Variants in ADCY4 observed in about 807,000 individuals in gnomAD.
The protein encoded by ADCY4 is adenylate cyclase 4.
A neutral mutation model predicts 125.5 loss-of-function variants in ADCY4; 111 were observed. That is an observed-to-expected ratio of 0.88 (90% CI 0.76 to 1.04). The LOEUF is 1.04. Among genes scored for constraint, ADCY4 ranks in the 50% least tolerant of loss-of-function variants. ADCY4 has a pLI of 0.00. For missense variants in ADCY4, 1,256 were observed against 1,382.9 expected (o/e 0.91, Z 1.46); for synonymous variants, 576 against 586.9 (o/e 0.98, Z 0.27).
In ADCY4 at chr14:24,318,480, A is replaced by G; in HGVS notation, c.3170T>C (p.Leu1057Pro). 4 of 1,614,194 alleles carry G rather than the reference A, an allele frequency of 2.5e-6. No individual in the cohort carries two copies. The highest frequency in any genetic ancestry group is 2.5e-6 in the Non-Finnish European group (3 of 1,180,032). The stretch of plus-strand genomic sequence containing the variant: ...GTCTGTGTTCAGGAAGTAGGTGCAG[A>G]GCTGCCCTTTGCCTTTCACCTTGAT... Reference protein sequence around the residue: ...GVIKVKGKGQLCTYFLNTDLT... With the variant: ...GVIKVKGKGQPCTYFLNTDLT... The change falls in exon 25 of 25, where the codon CTC becomes CCC. Residue 1057 changes from leucine (L) to proline (P), a missense_variant. Coordinates refer to ENST00000418030, the MANE Select transcript of ADCY4 (RefSeq NM_001198568.2).
chr14:24,321,776 G>A, intron 20 of ADCY4: 1 of 1,119,474 alleles, frequency 8.9e-7, no homozygotes, highest in South Asian at 3.8e-5. Context: ...GCGGCCTGGG[G>A]GCTGGGGACC....
rs1566439387 is a variant in ADCY4, at chr14:24,329,961, G to A, written c.1116C>T (p.Gly372=). Residue 372 remains glycine, a synonymous_variant, in exon 8 of 25, where the codon GGC becomes GGT. Transcript: ENST00000418030. ...DINMRVGVHS[G]SVLCGVIGLQ... ...GCCCGATGACTCCACACAGTACGCT[G>A]CCTGAGTGCACGCCCACACGCATGT... is the stretch of plus-strand genomic sequence containing the variant. 6.2e-7 allele frequency: 1 copy of A among 1,614,026 alleles called. No homozygotes were observed. The highest frequency in any genetic ancestry group is 1.3e-5 in the African/African-American group (1 of 74,914).
In ADCY4 at chr14:24,331,328, G is replaced by T; in HGVS notation, c.698C>A (p.Ala233Asp). The T allele has an allele frequency of 6.2e-7, 1 of 1,614,082 alleles. No individual in the cohort carries two copies. ...QEHLLLSILP[A>D]YLAREMKAEI... ...TGCCTTCATCTCTCGGGCCAGGTAG[G>T]CAGGAAGGATGGACAAGAGAAGGTG... is the stretch of plus-strand genomic sequence containing the variant. The change falls in exon 5 of 25, where the codon GCC becomes GAC. Residue 233 changes from alanine to aspartate, a missense_variant. Coordinates refer to ENST00000418030, the MANE Select transcript of ADCY4 (RefSeq NM_001198568.2).
At chr14:24,329,657 A>G (rs2042009257) in intron 8 of ADCY4, 124 bp from the exon 9 acceptor site, 7 of 1,428,580 alleles carry the variant, frequency 4.9e-6, no homozygotes, top group Non-Finnish European at 3.7e-6. Context: ...TCGTTCCTGG[A>G]TGTCTGACTT....
chr14:24,330,612 G>A (rs1326450483), intron 6 of ADCY4: 2 of 354,718 alleles, frequency 5.6e-6, no homozygotes, highest in Non-Finnish European at 1.0e-5. Flanking sequence ...TCCAAGAATT[G>A]GTTGCTTGGA....
chr14:24,319,366 G>C lies in ADCY4; in HGVS notation c.2804C>G (p.Thr935Arg), dbSNP rs369368195. ...KTIGSTYMAATGLNATSGQDA... is the reference protein window; with the variant it reads ...KTIGSTYMAARGLNATSGQDA... ...CTGTCCAGAGGTGGCATTTAAGCCT[G>C]TGGCTGCCATGTAGGTGCTGCCGAT... Residue 935 changes from threonine (T) to arginine (R), a missense_variant, in exon 22 of 25, where the codon ACA (threonine) becomes AGA (arginine). Physicochemically the swap from Thr to Arg is moderately conservative, Grantham distance 71. Coordinates refer to ENST00000418030, the MANE Select transcript of ADCY4 (RefSeq NM_001198568.2). This position sits in a 1 kb window ranked among gnomAD's most constrained non-coding sequence, Gnocchi z 4.5. The C allele has an allele frequency of 1.4e-5, 23 of 1,614,188 alleles. No individual in the cohort carries two copies. The highest frequency in any genetic ancestry group is 1.9e-5 in the Non-Finnish European group (23 of 1,180,030).
At position 24,331,934 on chromosome 14, in the gene ADCY4, C is replaced by A; in HGVS notation, c.523G>T (p.Ala175Ser). ...DSRPALLPQL[A>S]ANAVLFLCGN... ...CACAGGAACAGCACTGCGTTTGCTG[C>A]CAACTGTGGGTGAAGGCCAGCCTCA... The change falls in exon 4 of 25, where the codon GCA becomes TCA. Residue 175 changes from alanine to serine, a missense_variant. Transcript: ENST00000418030. 6.4e-7 allele frequency: 1 copy of A among 1,555,264 alleles called. No individual in the cohort carries two copies. The highest frequency in any genetic ancestry group is 1.2e-5 in the South Asian group (1 of 86,828).
At chr14:24,326,057 C>A (rs771693172) in intron 12 of ADCY4, 22 bp downstream of exon 12, 4 of 1,569,522 alleles carry the variant, frequency 2.5e-6, no homozygotes, top group Non-Finnish European at 3.5e-6. Context: ...GCGGCCCCCC[C>A]AGCCCTCTTT....
chr14:24,332,094 A>T, intron 3 of ADCY4, 157 bp from the exon 4 acceptor site: 1 of 954,266 alleles, frequency 1.0e-6, no homozygotes, highest in Non-Finnish European at 1.4e-6. Context: ...ATCCCTAGGG[A>T]CGTTTCCCTT....
intron 4 of ADCY4, 173 bp from the exon 5 acceptor site, chr14:24,331,529 C>A: frequency 2.1e-6 from 2 of 941,306 alleles, no homozygotes; most frequent in South Asian, 1.7e-5. Context: ...CACTGATCAC[C>A]TTTAGTGACT....
In ADCY4 at chr14:24,329,413, G is replaced by T; in HGVS notation, c.1338C>A (p.Val446=). ...GCTGGGCTTTTACCCGTGGATCGATGACCAGATAGGTAGGCTCCCCTAGCT... is the reference window on the plus strand; with the variant it reads ...GCTGGGCTTTTACCCGTGGATCGATTACCAGATAGGTAGGCTCCCCTAGCT... ...LRELGEPTYL[V]IDPRAEEEDE... is the part of the protein sequence containing the mutation. The change falls in exon 9 of 25, where the codon GTC becomes GTA. Residue 446 remains valine (V), a synonymous_variant. Transcript: ENST00000418030. 6.4e-7 allele frequency: 1 copy of T among 1,556,250 alleles called. No homozygotes were observed. The highest frequency in any genetic ancestry group is 1.2e-5 in the South Asian group (1 of 80,630).
rs2041807892 is a variant in ADCY4 at position 24,318,777 on chromosome 14, C to G, written c.2958G>C (p.Gly986=). The G allele has an allele frequency of 6.2e-7, 1 of 1,613,926 alleles. No individual in the cohort carries two copies. Among genetic ancestry groups the G allele is most frequent in the Non-Finnish European group, 8.5e-7 (1 of 1,180,020 alleles). The change falls in exon 24 of 25, where the codon GGG becomes GGC. Residue 986 remains glycine (G), a splice_region_variant and synonymous_variant. Transcript: ENST00000418030. The stretch of plus-strand genomic sequence containing the variant: ...CAGCTACTACGGGTCCATGGTTCAA[C>G]CCTAATGAGGGATGTGGTAATGACA... ...HSFNNFRLRV[G]LNHGPVVAGV...
At position 24,325,419 on chromosome 14, in the gene ADCY4, A is replaced by T. The variant is rs1248988410; in HGVS notation, c.1781T>A (p.Val594Asp). The change falls in exon 14 of 25, where the codon GTT (valine) becomes GAT (aspartate). Residue 594 changes from valine to aspartate, a missense_variant. Physicochemically the swap from Val to Asp is radical, Grantham distance 152. Transcript: ENST00000418030. ...FKYYEACTFL[V>D]FLSNFIIQML... ...CTGGATGATGAAGTTGGAGAGAAAAACCAGGAAGGTGCAGGCTTCATAGTA... is the reference window on the plus strand; with the variant it reads ...CTGGATGATGAAGTTGGAGAGAAAATCCAGGAAGGTGCAGGCTTCATAGTA... 1.9e-6 allele frequency: 3 copies of T among 1,613,536 alleles called. No homozygotes were observed. The highest frequency in any genetic ancestry group is 1.6e-4 in the Middle Eastern group (1 of 6,080).
intron 4 of ADCY4, 102 bp downstream of exon 4, chr14:24,331,686 G>T (rs2042043318): frequency 7.2e-7 from 1 of 1,394,980 alleles, no homozygotes; most frequent in Non-Finnish European, 9.4e-7. Context: ...AACAGGTCAA[G>T]AAACCTGCCC....
At chr14:24,325,793 T>C (rs2041932529) in intron 13 of ADCY4, 25 bp downstream of exon 13, 2 of 1,580,658 alleles carry the variant, frequency 1.3e-6, no homozygotes, top group Non-Finnish European at 1.7e-6. Context: ...GGAAGTTGTT[T>C]GGTGCCACCC....
intron 16 of ADCY4, 70 bp downstream of exon 16, chr14:24,323,992 G>A (rs981835791): frequency 4.5e-6 from 7 of 1,555,678 alleles, no homozygotes; most frequent in African/African-American, 2.7e-5. Flanking sequence ...CAAATCCAGG[G>A]GTTCCCTTTC....
intron 19 of ADCY4, 55 bp from the exon 20 acceptor site, chr14:24,322,279 C>T (rs2041864535): frequency 1.9e-6 from 3 of 1,562,644 alleles, no homozygotes; most frequent in Non-Finnish European, 2.6e-6. Flanking sequence ...AAGCCCAGCT[C>T]CTGAGTGTTC....
chr14:24,326,016 A>T, intron 12 of ADCY4, 63 bp downstream of exon 12: 1 of 1,490,756 alleles, frequency 6.7e-7, no homozygotes, highest in Non-Finnish European at 9.0e-7. Context: ...AGGGAGCACC[A>T]TCCCTTCTCC....
chr14:24,320,941 T>A (rs2041840777), intron 20 of ADCY4, among the ~76,000 whole-genome samples: 1 of 152,096 alleles, frequency 6.6e-6, no homozygotes, highest in South Asian at 2.1e-4. Flanking sequence ...AGACCAGCAG[T>A]CCCCAACCTT....
Sources: allele counts gnomAD v4.1 joint callset (sites outside exome capture counted in the v4.1 genomes callset), GRCh38; gene constraint gnomAD v4.1.1; non-coding constraint Gnocchi (gnomAD v3.1); transcripts MANE v1.5; gene names NCBI Gene and HGNC (gene_info 2026-07-23, HGNC 2026-07-21).